Variants in ASIC2 observed in about 807,000 individuals in gnomAD.
ASIC2 encodes acid sensing ion channel subunit 2.
ASIC2 carries 25 observed loss-of-function variants against 57.3 expected under a neutral mutation model. The observed-to-expected ratio is 0.44, with a 90% CI of 0.32 to 0.61. The LOEUF is 0.61. Ranked by LOEUF, ASIC2 falls within the 20% of genes least tolerant of loss-of-function variation. The pLI, the probability that ASIC2 is intolerant of heterozygous loss-of-function variation, is 0.06. For missense variants in ASIC2, 641 were observed against 738.1 expected, an observed-to-expected ratio of 0.87 and a Z score of 1.52; for synonymous variants, 319 against 307.5, an observed-to-expected ratio of 1.04 and a Z score of -0.39.
At chr17:33,569,336 G>C (rs903069736) in intron 1 of ASIC2, 2 of 152,218 alleles carry the variant, frequency 1.3e-5, no homozygotes, top group South Asian at 2.1e-4. Flanking sequence ...TGTTCCCAGG[G>C]ACTTGCAGCT....
chr17:33,305,912 A>G (rs1186612878), intron 1 of ASIC2, among the ~76,000 whole-genome samples: 3 of 152,192 alleles, frequency 2.0e-5, no homozygotes, highest in African/African-American at 7.2e-5. Context: ...CATAGATAAA[A>G]GCTTCCCTAT....
At chr17:34,054,460 AC>A (rs1908688515) in intron 1 of ASIC2, among the ~76,000 whole-genome samples, 1 of 152,068 alleles carries the variant, frequency 6.6e-6, no homozygotes, top group African/African-American at 2.4e-5. Flanking sequence ...ATGTATGGGT[AC>A]CCTCCTTTCC....
intron 1 of ASIC2, among the ~76,000 whole-genome samples, chr17:33,804,298 C>T (rs1158996194): frequency 6.6e-6 from 1 of 152,176 alleles, no homozygotes. Context: ...GAAGGAAGCT[C>T]AGTTGCTGAG....
intron 1 of ASIC2, among the ~76,000 whole-genome samples, chr17:33,988,581 G>T (rs1160232105): frequency 6.6e-6 from 1 of 152,064 alleles, no homozygotes; most frequent in Non-Finnish European, 1.5e-5. Context: ...TCGACCCTTA[G>T]CAGATGCTGC....
chr17:33,065,217 C>T (rs2092038117), intron 3 of ASIC2, among the ~76,000 whole-genome samples: 2 of 152,090 alleles, frequency 1.3e-5, no homozygotes, highest in Admixed American at 1.3e-4. Context: ...TGGTTTGTCA[C>T]CCAGGCTGGA....
At chr17:33,060,235 C>T (rs1244824850) in intron 3 of ASIC2, among the ~76,000 whole-genome samples, 1 of 152,098 alleles carries the variant, frequency 6.6e-6, no homozygotes, top group Admixed American at 6.5e-5. Context: ...ACGTCCTTGC[C>T]CATGCCTATG....
intron 1 of ASIC2, among the ~76,000 whole-genome samples, chr17:33,986,197 C>A (rs1905811550): frequency 6.6e-6 from 1 of 151,694 alleles, no homozygotes; most frequent in Non-Finnish European, 1.5e-5. Flanking sequence ...TCCATGAGAA[C>A]AGGAATCTGG....
At position 33,293,278 on chromosome 17, in the gene ASIC2, C is replaced by G. The variant is rs2142185472; in HGVS notation, c.-1163G>C. ...GGCTCCGAGCACCTGCTCCTCAGCT[C>G]GCTGGCCCCGCGGCTCCGGGCGGGC... On this transcript the variant is annotated 5_prime_UTR_variant, in exon 1 of 10. Transcript: ENST00000225823. Among the ~76,000 whole-genome samples, 4 of 152,036 alleles carry G rather than the reference C, an allele frequency of 2.6e-5. No homozygotes were observed. In the Middle Eastern group the frequency reaches 0.014, roughly 521 times the overall value.
At chr17:33,686,953 G>T (rs1211783737) in intron 1 of ASIC2, among the ~76,000 whole-genome samples, 2 of 152,170 alleles carry the variant, frequency 1.3e-5, no homozygotes, top group African/African-American at 2.4e-5. Flanking sequence ...GTCTAGCCAA[G>T]AACAGTCTAG....
chr17:33,503,371 A>G (rs1914157076), intron 1 of ASIC2, among the ~76,000 whole-genome samples: 1 of 152,160 alleles, frequency 6.6e-6, no homozygotes, highest in African/African-American at 2.4e-5. Context: ...GCAAGAAGGA[A>G]TCAAGGAAGG....
intron 1 of ASIC2, among the ~76,000 whole-genome samples, chr17:33,987,647 A>G (rs562695417): frequency 9.3e-5 from 14 of 151,220 alleles, no homozygotes; most frequent in African/African-American, 3.2e-4. Flanking sequence ...TTAGCCAACC[A>G]ACCAACTAAC....
At chr17:34,087,332 G>A (rs1466654979) in intron 1 of ASIC2, among the ~76,000 whole-genome samples, 3 of 151,928 alleles carry the variant, frequency 2.0e-5, no homozygotes, top group Non-Finnish European at 4.4e-5. Flanking sequence ...ATTCTGGGTT[G>A]AAAATTCTTT....
chr17:33,767,286 G>T (rs928610418), intron 1 of ASIC2, among the ~76,000 whole-genome samples: 1 of 152,140 alleles, frequency 6.6e-6, no homozygotes, highest in Non-Finnish European at 1.5e-5. Flanking sequence ...TTTCCTGTGC[G>T]CTGCAGAGTT....
intron 1 of ASIC2, among the ~76,000 whole-genome samples, chr17:33,528,209 G>A (rs1696432632): frequency 1.2e-5 from 1 of 81,970 alleles, no homozygotes; most frequent in Non-Finnish European, 2.6e-5. Flanking sequence ...GATCCTATAG[G>A]ACAGGTGAGG....
intron 1 of ASIC2, among the ~76,000 whole-genome samples, chr17:33,954,004 G>A (rs967540030): frequency 1.3e-5 from 2 of 152,204 alleles, no homozygotes; most frequent in African/African-American, 2.4e-5. Context: ...GCTTTGATGA[G>A]TATTTAGGCA....
At chr17:33,610,027 C>G (rs999690398) in intron 1 of ASIC2, among the ~76,000 whole-genome samples, 2 of 150,600 alleles carry the variant, frequency 1.3e-5, no homozygotes, top group African/African-American at 4.9e-5. Flanking sequence ...CCCACCATCT[C>G]TCTTCACTGG....
At chr17:33,315,233 A>G (rs894193168) in intron 1 of ASIC2, among the ~76,000 whole-genome samples, 4 of 152,228 alleles carry the variant, frequency 2.6e-5, no homozygotes, top group South Asian at 2.1e-4. Context: ...ACAAATAGCT[A>G]AAGCATGTAC....
chr17:34,024,812 A>C (rs992111315), intron 1 of ASIC2, among the ~76,000 whole-genome samples: 2 of 152,182 alleles, frequency 1.3e-5, no homozygotes, highest in Non-Finnish European at 2.9e-5. Context: ...GATCATGTAC[A>C]CCTGGATAGG....
At chr17:33,085,691 T>C (rs976351838) in intron 3 of ASIC2, among the ~76,000 whole-genome samples, 41 of 152,204 alleles carry the variant, frequency 2.7e-4, no homozygotes, top group African/African-American at 8.0e-4. Context: ...ATGAAAGAGA[T>C]GGAAAGCCCA....
Sources: allele counts gnomAD v4.1 joint callset (sites outside exome capture counted in the v4.1 genomes callset), GRCh38; gene constraint gnomAD v4.1.1; transcripts MANE v1.5; gene names NCBI Gene and HGNC (gene_info 2026-07-23, HGNC 2026-07-21).